The following MCAM variants were observed in gnomAD, a reference collection of about 807,000 sequenced individuals.
MCAM encodes melanoma cell adhesion molecule.
MCAM carries 55 observed loss-of-function variants against 79.1 expected under a neutral mutation model. The ratio of observed to expected loss-of-function variants is 0.70; its 90% CI spans 0.56 to 0.87. The LOEUF is 0.87. Among genes scored for constraint, MCAM ranks in the 40% least tolerant of loss-of-function variants. The pLI is 0.00. For synonymous variants in MCAM, 330 were observed against 339.8 expected (o/e 0.97, Z 0.32); for missense variants, 745 against 839.8 (o/e 0.89, Z 1.40).
At position 119,312,511 on chromosome 11, in the gene MCAM, C is replaced by T. The variant is rs544192711; in HGVS notation, c.861+16G>A. On this transcript the variant is annotated intron_variant, in intron 7 of 15. Coordinates refer to ENST00000264036, the MANE Select transcript of MCAM (RefSeq NM_006500.3). This position sits in a 1 kb window ranked among gnomAD's most constrained non-coding sequence, Gnocchi z 4.9. ...TGCTTGCATCCCCACCTGCACCCAG[C>T]ACAAAGCCCCCACACCTGCTTGCTG... The T allele has an allele frequency of 3.7e-6, 6 of 1,614,092 alleles. No homozygotes were observed. In the South Asian group the frequency reaches 6.6e-5, roughly 18 times the overall value.
At position 119,315,626 on chromosome 11, in the gene MCAM, A is replaced by G. The variant is rs1950301835; in HGVS notation, c.68-363T>C. On this transcript the variant is annotated intron_variant, in intron 1 of 15. Transcript: ENST00000264036. This position sits in a 1 kb window ranked among gnomAD's most constrained non-coding sequence, Gnocchi z 4.4. ...AGCTCAGAGTGTGGGAATGCAAAGC[A>G]TGTGCCAGGCTGGGGCACACAGGCC... 3.8e-6 allele frequency: 1 copy of G among 264,518 alleles called. No individual in the cohort carries two copies. Among genetic ancestry groups the G allele is most frequent in the Admixed American group, 4.6e-5 (1 of 21,944 alleles). 16.4% of individuals were successfully genotyped at this position (264,518 alleles called of 1,614,324 possible).
At chr11:119,310,030 TG>T in intron 15 of MCAM, 115 bp from the exon 16 acceptor site, 1 of 911,264 alleles carries the variant, frequency 1.1e-6, no homozygotes, top group Middle Eastern at 2.9e-4. Context: ...TGGGCAGCGT[TG>T]GGGAGGAAGC....
Position 119,312,395 on chromosome 11 carries a change from TTG to T in MCAM, c.893_894del (p.Thr298AsnfsTer21). The T allele has an allele frequency of 6.2e-7, 1 of 1,614,058 alleles. No homozygotes were observed. Among genetic ancestry groups the T allele is most frequent in the Non-Finnish European group, 8.5e-7 (1 of 1,179,976 alleles). ...AGCACCAGGACCCCGTTGTCGTTGG[TTG>T]TCTCTTCCTCTGCCTCCCTGGTGCT... ...NPSTREAEEE[T>X]TNDNGVLVLE... On this transcript the variant is annotated frameshift_variant, in exon 8 of 16. Transcript: ENST00000264036. LOFTEE classifies it high-confidence loss of function. This position sits in a 1 kb window ranked among gnomAD's most constrained non-coding sequence, Gnocchi z 4.9.
At chr11:119,310,696 G>A in intron 14 of MCAM, 60 bp downstream of exon 14, 2 of 1,570,044 alleles carry the variant, frequency 1.3e-6, no homozygotes, top group Admixed American at 3.4e-5. Flanking sequence ...GCGGGCGCTG[G>A]GCAGGCAGCA....
At position 119,312,474 on chromosome 11, in the gene MCAM, C is replaced by A. The variant is rs1201408558; in HGVS notation, c.862-46G>T. 3 of 1,613,724 alleles carry A rather than the reference C, an allele frequency of 1.9e-6. No homozygotes were observed. In the South Asian group the frequency reaches 3.3e-5, roughly 18 times the overall value. ...GAGCAGAGTGCACCTCCCGCCACTC[C>A]ACCTGGGTCTCTGCTTGCATCCCCA... On this transcript the variant is annotated intron_variant, in intron 7 of 15. Transcript: ENST00000264036. The surrounding 1 kb of genome is among the most constrained non-coding windows in gnomAD (Gnocchi z 4.9).
chr11:119,313,891 G>C (rs540136483), intron 5 of MCAM: 1 of 893,440 alleles, frequency 1.1e-6, no homozygotes, highest in Admixed American at 5.9e-5. Context: ...CCCTGGTTAA[G>C]AATGACTGAT....
chr11:119,309,139 T>A lies in MCAM; in HGVS notation c.*747A>T, dbSNP rs1039309427. The A allele has an allele frequency of 6.6e-6, 1 of 151,416 alleles. No homozygotes were observed. The highest frequency in any genetic ancestry group is 2.4e-5 in the African/African-American group (1 of 41,004). 9.4% of individuals were successfully genotyped at this position (151,416 alleles called of 1,614,324 possible). ...GGTGCCAACCACTACGCCTAGCTAA[T>A]TTTTTTTTGTATTTTTAGTAGAGAC... On this transcript the variant is annotated 3_prime_UTR_variant, in exon 16 of 16. Transcript: ENST00000264036.
At chr11:119,313,609 C>A (rs998737004) in intron 5 of MCAM, 6 of 294,496 alleles carry the variant, frequency 2.0e-5, no homozygotes, top group Non-Finnish European at 3.3e-5. Context: ...CCGTGTTGGA[C>A]AGGCTGGTCT....
In MCAM at chr11:119,312,866, C is replaced by T; in HGVS notation, c.643G>A (p.Glu215Lys). 1.9e-6 allele frequency: 3 copies of T among 1,614,206 alleles called. No homozygotes were observed. Among genetic ancestry groups the T allele is most frequent in the Non-Finnish European group, 2.5e-6 (3 of 1,180,032 alleles). Residue 215 changes from glutamate to lysine, a missense_variant, in exon 6 of 16, where the codon GAA becomes AAA. Physicochemically the swap from Glu to Lys is moderately conservative, Grantham distance 56. Coordinates refer to ENST00000264036, the MANE Select transcript of MCAM (RefSeq NM_006500.3). This position sits in a 1 kb window ranked among gnomAD's most constrained non-coding sequence, Gnocchi z 4.9. ...CAGTAAAACTGGGCATCTTTGTCTT[C>T]TTTAACCAGCTGTGCCTTCAGAATA... is the stretch of plus-strand genomic sequence containing the variant. Reference protein sequence around the residue: ...QSILKAQLVKEDKDAQFYCEL... With the variant: ...QSILKAQLVKKDKDAQFYCEL...
chr11:119,311,890 T>TGCCTCCC lies in MCAM; in HGVS notation c.1196_1202dup (p.Gly404ArgfsTer52). 1 of 1,614,112 alleles carries TGCCTCCC rather than the reference T, an allele frequency of 6.2e-7. No individual in the cohort carries two copies. Among genetic ancestry groups the TGCCTCCC allele is most frequent in the Non-Finnish European group, 8.5e-7 (1 of 1,180,030 alleles). On this transcript the variant is annotated frameshift_variant, in exon 10 of 16. Coordinates refer to ENST00000264036, the MANE Select transcript of MCAM (RefSeq NM_006500.3). LOFTEE classifies it high-confidence loss of function. The surrounding 1 kb of genome is among the most constrained non-coding windows in gnomAD (Gnocchi z 4.4). Reference sequence around the variant, plus strand: ...ACGCCACGCAGCGATAGCCGCCTCCTGCCTCCCGTTTCAGGTCATGCAACT... The same window carrying TGCCTCCC: ...ACGCCACGCAGCGATAGCCGCCTCCTGCCTCCCGCCTCCCGTTTCAGGTCATGCAACT...
rs371378440 is a variant in MCAM, at chr11:119,311,563, G to A, written c.1374C>T (p.Pro458=). 5.6e-5 allele frequency: 91 copies of A among 1,614,018 alleles called. 1 individual carries two copies. In the South Asian group the frequency reaches 9.2e-4, roughly 16 times the overall value. ...TGACGTTCCAGGAGATGGTGGGCCG[G>A]GGGTGCCCTGACGCTTCACAAGACA... The part of the protein sequence containing the change: ...LNLSCEASGH[P]RPTISWNVNG... Residue 458 remains proline (P), a synonymous_variant, in exon 11 of 16, where the codon CCC becomes CCT. Coordinates refer to ENST00000264036, the MANE Select transcript of MCAM (RefSeq NM_006500.3). This position sits in a 1 kb window ranked among gnomAD's most constrained non-coding sequence, Gnocchi z 4.4.
At position 119,309,842 on chromosome 11, in the gene MCAM, C is replaced by G; in HGVS notation, c.*44G>C. The G allele has an allele frequency of 6.4e-7, 1 of 1,570,158 alleles. No homozygotes were observed. The highest frequency in any genetic ancestry group is 8.7e-7 in the Non-Finnish European group (1 of 1,150,840). ...GGCTGAGAGAAGAGTGAGCAGGGAGCTGGGAATGGTCCAGGCAGGGAAGGG... is the reference window on the plus strand; with the variant it reads ...GGCTGAGAGAAGAGTGAGCAGGGAGGTGGGAATGGTCCAGGCAGGGAAGGG... On this transcript the variant is annotated 3_prime_UTR_variant, in exon 16 of 16. Coordinates refer to ENST00000264036, the MANE Select transcript of MCAM (RefSeq NM_006500.3).
chr11:119,312,545 G>A lies in MCAM; in HGVS notation c.843C>T (p.His281=), dbSNP rs754165178. 3.1e-6 allele frequency: 5 copies of A among 1,614,154 alleles called. No homozygotes were observed. In the East Asian group the frequency reaches 8.9e-5, roughly 29 times the overall value. The change falls in exon 7 of 16, where the codon CAC becomes CAT. Residue 281 remains histidine, a synonymous_variant. Coordinates refer to ENST00000264036, the MANE Select transcript of MCAM (RefSeq NM_006500.3). The surrounding 1 kb of genome is among the most constrained non-coding windows in gnomAD (Gnocchi z 4.9). ...RCLADGNPPP[H]FSISKQNPST... is the part of the protein sequence containing the mutation. ...CCCACACCTGCTTGCTGATGCTGAA[G>A]TGTGGTGGAGGGTTGCCATCAGCCA... is the stretch of plus-strand genomic sequence containing the variant.
In MCAM at chr11:119,310,820, C is replaced by T. The variant is rs141853834; in HGVS notation, c.1729G>A (p.Ala577Thr). 191 of 1,614,184 alleles carry T rather than the reference C, an allele frequency of 1.2e-4. 1 individual carries two copies. In the South Asian group the frequency reaches 1.9e-3, roughly 16 times the overall value. The change falls in exon 14 of 16, where the codon GCT (alanine) becomes ACT (threonine). Residue 577 changes from alanine (A) to threonine (T), a missense_variant. Transcript: ENST00000264036. ...VCILVLAVLG[A>T]VLYFLYKKGK... The stretch of plus-strand genomic sequence containing the variant: ...TTCTTATAGAGGAAATAGAGGACAG[C>T]GCCCAGCACCGCCAGGACCAGGATG...
At position 119,311,897 on chromosome 11, in the gene MCAM, C is replaced by T. The variant is rs201956849; in HGVS notation, c.1196G>A (p.Arg399Gln). ...GPVLQLHDLK[R>Q]EAGGGYRCVA... Reference sequence around the variant, plus strand: ...GCAGCGATAGCCGCCTCCTGCCTCCCGTTTCAGGTCATGCAACTGAAGCAC... The same window carrying T: ...GCAGCGATAGCCGCCTCCTGCCTCCTGTTTCAGGTCATGCAACTGAAGCAC... Residue 399 changes from arginine to glutamine, a missense_variant, in exon 10 of 16, where the codon CGG (arginine) becomes CAG (glutamine). Coordinates refer to ENST00000264036, the MANE Select transcript of MCAM (RefSeq NM_006500.3). The surrounding 1 kb of genome is among the most constrained non-coding windows in gnomAD (Gnocchi z 4.4). 3.7e-6 allele frequency: 6 copies of T among 1,614,116 alleles called. No individual in the cohort carries two copies. Among genetic ancestry groups the T allele is most frequent in the East Asian group, 2.2e-5 (1 of 44,878 alleles).
chr11:119,313,472 A>C, intron 5 of MCAM: 7 of 483,746 alleles, frequency 1.4e-5, no homozygotes, highest in Non-Finnish European at 2.3e-5. Context: ...ATCTCGGCTC[A>C]CCGCAACCTC....
Position 119,314,816 on chromosome 11 carries a change from G to C in MCAM, c.400+17C>G, listed in dbSNP as rs980370081. 1 of 1,613,332 alleles carries C rather than the reference G, an allele frequency of 6.2e-7. No homozygotes were observed. The highest frequency in any genetic ancestry group is 8.5e-7 in the Non-Finnish European group (1 of 1,179,666). ...CACCACCCTCACTACCCTGCTGGCAGACACAGGGTCACGCACTGTAGACGC... is the reference window on the plus strand; with the variant it reads ...CACCACCCTCACTACCCTGCTGGCACACACAGGGTCACGCACTGTAGACGC... On this transcript the variant is annotated intron_variant, in intron 3 of 15. Coordinates refer to ENST00000264036, the MANE Select transcript of MCAM (RefSeq NM_006500.3).
At chr11:119,314,608 T>A (rs1950281379) in intron 4 of MCAM, 32 bp from the exon 5 acceptor site, 1 of 1,611,210 alleles carries the variant, frequency 6.2e-7, no homozygotes, top group Admixed American at 1.7e-5. Flanking sequence ...TCTCCCTGCC[T>A]CCGAGCCCCC....
rs1950174426 is a variant in MCAM at position 119,308,599 on chromosome 11, A to AT, written c.*1286_*1287insA. On this transcript the variant is annotated 3_prime_UTR_variant, in exon 16 of 16. Transcript: ENST00000264036. ...CATATATATATATACATACATATAT[A>AT]AAGGAAACAATTTGCAAATTTACAC... 6.6e-6 allele frequency: 1 copy of AT among 151,426 alleles called. No individual in the cohort carries two copies. The highest frequency in any genetic ancestry group is 1.5e-5 in the Non-Finnish European group (1 of 67,892). 9.4% of individuals were successfully genotyped at this position (151,426 alleles called of 1,614,324 possible).
Sources: gnomAD v4.1 joint callset for allele counts on GRCh38, gnomAD v4.1.1 for gene constraint, Gnocchi (gnomAD v3.1) non-coding constraint, MANE v1.5 for transcripts, NCBI Gene and HGNC (gene_info 2026-07-23, HGNC 2026-07-21) for gene names.